The following GLUD1 variants were observed in gnomAD, a reference collection of about 807,000 sequenced individuals.
The protein encoded by GLUD1 is glutamate dehydrogenase 1, mitochondrial.
Under a neutral mutation model 56.0 loss-of-function variants are expected in GLUD1, and 22 were observed. That is an observed-to-expected ratio of 0.39 (90% CI 0.28 to 0.56). The LOEUF (loss-of-function observed/expected upper bound fraction) is 0.56. Ranked by LOEUF, GLUD1 falls within the 20% of genes least tolerant of loss-of-function variation. GLUD1 has a pLI of 0.58. For missense variants in GLUD1, 451 were observed against 732.0 expected, an observed-to-expected ratio of 0.62 and a Z score of 4.43; for synonymous variants, 223 against 269.9, an observed-to-expected ratio of 0.83 and a Z score of 1.70.
rs1481055844 is a variant in GLUD1, at chr10:87,063,070, TTTG to T, written c.742-238_742-236del. On this transcript the variant is annotated intron_variant, in intron 5 of 12. Transcript: ENST00000277865. ...ACTATATTTTCTGTTTTTTTTTTTGTTTGTTTGTTTGTTTGTTTTTGAGACGGA... is the reference window on the plus strand; with the variant it reads ...ACTATATTTTCTGTTTTTTTTTTTGTTTTGTTTGTTTGTTTTTGAGACGGA... Among the ~76,000 whole-genome samples, 83 of 79,050 alleles carry T rather than the reference TTTG, an allele frequency of 1.0e-3. 1 individual carries two copies. The highest frequency in any genetic ancestry group is 3.2e-3 in the African/African-American group (58 of 17,982). 51.9% of individuals were successfully genotyped at this position (79,050 alleles called of 152,430 possible). A position where few individuals can be genotyped will look rare whatever the true frequency, so the allele number is the denominator to read the frequency against.
intron 4 of GLUD1, among the ~76,000 whole-genome samples, chr10:87,071,754 T>C (rs966825910): frequency 6.6e-6 from 1 of 152,188 alleles, no homozygotes; most frequent in African/African-American, 2.4e-5. Flanking sequence ...ACTCATTCCA[T>C]GAGGCTAGAA....
chr10:87,083,573 C>G (rs181830589), intron 1 of GLUD1, among the ~76,000 whole-genome samples: 333 of 152,268 alleles, frequency 2.2e-3, no homozygotes, highest in Admixed American at 9.2e-3. Context: ...GCAGAGAAGG[C>G]TGAAGGTGAA....
chr10:87,069,508 C>A (rs1263921868), intron 4 of GLUD1, among the ~76,000 whole-genome samples: 7 of 136,244 alleles, frequency 5.1e-5, no homozygotes, highest in Non-Finnish European at 9.3e-5. Flanking sequence ...GAGTAAGACT[C>A]TGTTTCAAAA....
intron 10 of GLUD1, among the ~76,000 whole-genome samples, chr10:87,058,318 A>G (rs575212677): frequency 6.6e-6 from 1 of 152,316 alleles, no homozygotes; most frequent in Admixed American, 6.5e-5. Flanking sequence ...CCTTGGCTCT[A>G]TTAAAAAGAA....
intron 4 of GLUD1, 93 bp from the exon 5 acceptor site, chr10:87,068,250 T>C: frequency 2.6e-6 from 2 of 764,914 alleles, no homozygotes; most frequent in East Asian, 5.3e-5. Context: ...AATAACCAAG[T>C]TACCATGGCT....
chr10:87,086,876 A>G (rs1286228243), intron 1 of GLUD1, among the ~76,000 whole-genome samples: 1 of 151,718 alleles, frequency 6.6e-6, no homozygotes, highest in Non-Finnish European at 1.5e-5. Flanking sequence ...TTTCTCACAC[A>G]TTTCTGACAC....
At chr10:87,089,121 T>C (rs910116919) in intron 1 of GLUD1, among the ~76,000 whole-genome samples, 2 of 152,264 alleles carry the variant, frequency 1.3e-5, no homozygotes, top group African/African-American at 4.8e-5. Flanking sequence ...GTAGGTCTTC[T>C]AATAGCTTTT....
chr10:87,059,048 C>G, intron 10 of GLUD1, 102 bp downstream of exon 10: 8 of 1,324,020 alleles, frequency 6.0e-6, no homozygotes, highest in Non-Finnish European at 8.7e-6. Context: ...TTCTGAGACT[C>G]AATTCTTTCC....
At chr10:87,073,663 G>A (rs549745485) in intron 4 of GLUD1, among the ~76,000 whole-genome samples, 1 of 132,012 alleles carries the variant, frequency 7.6e-6, no homozygotes, top group East Asian at 2.1e-4. Context: ...CTGTTGCCCA[G>A]GCTGGGGTGT....
chr10:87,091,024 T>C (rs965112741), intron 1 of GLUD1, among the ~76,000 whole-genome samples: 17 of 152,196 alleles, frequency 1.1e-4, no homozygotes, highest in Non-Finnish European at 2.2e-4. Context: ...GATTCCACTG[T>C]TTCCTTCTGG....
intron 1 of GLUD1, among the ~76,000 whole-genome samples, chr10:87,083,340 C>T (rs1261708618): frequency 6.6e-6 from 1 of 152,020 alleles, no homozygotes; most frequent in East Asian, 1.9e-4. Context: ...TGACATATAC[C>T]TCAAAGTTCT....
At position 87,060,860 on chromosome 10, in the gene GLUD1, A is replaced by G. The variant is rs143339923; in HGVS notation, c.1060-35T>C. On this transcript the variant is annotated intron_variant, in intron 7 of 12. Transcript: ENST00000277865. ...ATTGAAAATCACAATTAATAGCTGC[A>G]CCAGAGTTTTAAATATTTATATTTA... 2,390 of 1,614,104 alleles carry G rather than the reference A, an allele frequency of 1.5e-3. 38 individuals are homozygous for G. The African/African-American group carries it at 0.028, about 19-fold the overall frequency.
intron 1 of GLUD1, chr10:87,093,927 A>T: frequency 7.4e-7 from 1 of 1,348,642 alleles, no homozygotes; most frequent in Non-Finnish European, 9.7e-7. Context: ...TTTAGGGGAG[A>T]CTCACAAAAG....
At chr10:87,058,840 G>A (rs1845856812) in intron 10 of GLUD1, among the ~76,000 whole-genome samples, 1 of 152,114 alleles carries the variant, frequency 6.6e-6, no homozygotes. Flanking sequence ...ACAGTAAGCC[G>A]AGTTCGTGCC....
intron 4 of GLUD1, among the ~76,000 whole-genome samples, chr10:87,070,389 AAG>A (rs201776818): frequency 0.019 from 2,909 of 152,246 alleles, 69 homozygotes; most frequent in Non-Finnish European, 0.023. Flanking sequence ...TCACGAGGTC[AAG>A]AGAGAGAGAC....
Position 87,094,017 on chromosome 10 carries a change from G to C in GLUD1, c.445+308C>G. 2 of 1,478,602 alleles carry C rather than the reference G, an allele frequency of 1.4e-6. No homozygotes were observed. The highest frequency in any genetic ancestry group is 1.8e-6 in the Non-Finnish European group (2 of 1,110,208). 91.6% of individuals were successfully genotyped at this position (1,478,602 alleles called of 1,614,324 possible). On this transcript the variant is annotated intron_variant, in intron 1 of 12. Coordinates refer to ENST00000277865, the MANE Select transcript of GLUD1 (RefSeq NM_005271.5). This position sits in a 1 kb window ranked among gnomAD's most constrained non-coding sequence, Gnocchi z 6.6. ...AGTGCATTTCGGCAGGACCCGCCGT[G>C]TGTGACACAGACACCGGGACCAAAA...
intron 10 of GLUD1, among the ~76,000 whole-genome samples, chr10:87,058,166 C>T (rs1845837527): frequency 1.3e-5 from 2 of 152,144 alleles, no homozygotes. Context: ...CTGCGCCTGG[C>T]CTTATACAGA....
chr10:87,067,180 T>C (rs560888265), intron 5 of GLUD1, among the ~76,000 whole-genome samples: 5 of 152,340 alleles, frequency 3.3e-5, no homozygotes, highest in Non-Finnish European at 5.9e-5. Flanking sequence ...CTGACTACCA[T>C]GTAAAACACA....
At chr10:87,064,762 T>C (rs1412096373) in intron 5 of GLUD1, among the ~76,000 whole-genome samples, 1 of 152,234 alleles carries the variant, frequency 6.6e-6, no homozygotes, top group Non-Finnish European at 1.5e-5. Flanking sequence ...TTAACACTTA[T>C]GAATACAGAA....
Sources: allele counts gnomAD v4.1 joint callset (sites outside exome capture counted in the v4.1 genomes callset), GRCh38; gene constraint gnomAD v4.1.1; non-coding constraint Gnocchi (gnomAD v3.1); transcripts MANE v1.5; gene names NCBI Gene and HGNC (gene_info 2026-07-23, HGNC 2026-07-21).